MBD1: variants seen among roughly 807,000 people sequenced by gnomAD.
MBD1 encodes methyl-CpG-binding domain protein 1.
A neutral mutation model predicts 82.6 loss-of-function variants in MBD1; 25 were observed. That is an observed-to-expected ratio of 0.30 (90% CI 0.22 to 0.42). The LOEUF (loss-of-function observed/expected upper bound fraction) is 0.42, where lower values mean the gene tolerates loss of function less well. Among genes scored for constraint, MBD1 ranks in the 10% least tolerant of loss-of-function variants. MBD1 has a pLI of 1.00. For missense variants in MBD1, 627 were observed against 819.6 expected (o/e 0.76, Z 2.87); for synonymous variants, 301 against 303.7 (o/e 0.99, Z 0.09).
chr18:50,273,924 C>T, intron 11 of MBD1, 61 bp from the exon 12 acceptor site: 1 of 1,584,524 alleles, frequency 6.3e-7, no homozygotes. Context: ...ATCCACCCTG[C>T]CCGGCTCCAC....
downstream of MBD1, chr18:50,267,413 G>T: frequency 1.8e-6 from 1 of 548,236 alleles, no homozygotes; most frequent in East Asian, 2.9e-5. Context: ...CCAGGGCTTA[G>T]ACTCAGGATA....
In MBD1 at chr18:50,275,049, T is replaced by C. The variant is rs757125558; in HGVS notation, c.910-4A>G. ...AGGGGGCCAGGGCTCTGGGGTGCTG[T>C]AGAGGCAAATGGGGTGGGGTCAGGG... On this transcript the variant is annotated splice_region_variant and splice_polypyrimidine_tract_variant and intron_variant, in intron 9 of 16. Coordinates refer to ENST00000269468, the MANE Select transcript of MBD1 (RefSeq NM_015846.4). 2.9e-5 allele frequency: 47 copies of C among 1,613,894 alleles called. No homozygotes were observed. Among genetic ancestry groups the C allele is most frequent in the Non-Finnish European group, 3.9e-5 (46 of 1,179,944 alleles).
At chr18:50,276,143 A>G (rs2037787814) in intron 6 of MBD1, 162 bp from the exon 7 acceptor site, 1 of 938,320 alleles carries the variant, frequency 1.1e-6, no homozygotes, top group Non-Finnish European at 1.7e-6. Flanking sequence ...CACTGAGGCC[A>G]TTAGTATGTC....
downstream of MBD1, among the ~76,000 whole-genome samples, chr18:50,268,358 C>G (rs1278265659): frequency 6.6e-6 from 1 of 152,268 alleles, no homozygotes; most frequent in Non-Finnish European, 1.5e-5. Context: ...CGGCCGCACT[C>G]GAACGTCCTA....
downstream of MBD1, chr18:50,267,317 A>C: frequency 2.3e-6 from 1 of 429,786 alleles, no homozygotes; most frequent in Non-Finnish European, 4.2e-6. Flanking sequence ...AGGGAGCCTA[A>C]GTGCCTTGTC....
intron 2 of MBD1, 36 bp from the exon 3 acceptor site, chr18:50,277,240 G>A: frequency 6.6e-7 from 1 of 1,504,718 alleles, no homozygotes; most frequent in South Asian, 1.1e-5. Flanking sequence ...CACCCAGGTG[G>A]AGCCAATGCC....
chr18:50,269,321 A>G lies in MBD1; in HGVS notation c.*530T>C. On this transcript the variant is annotated 3_prime_UTR_variant, in exon 17 of 17. Transcript: ENST00000269468. ...AGACCCTTGGGAGCGGATTCATGGT[A>G]GGGTGGCTTTGTAATGTGTCACCTT... is the stretch of plus-strand genomic sequence containing the variant. The G allele has an allele frequency of 7.8e-7, 1 of 1,274,980 alleles. No homozygotes were observed. The highest frequency in any genetic ancestry group is 1.0e-6 in the Non-Finnish European group (1 of 999,372). The allele number at this position is 1,274,980 out of a possible 1,614,324, so 79.0% of individuals were successfully genotyped here.
chr18:50,273,932 C>T, intron 11 of MBD1, 69 bp from the exon 12 acceptor site: 2 of 1,568,348 alleles, frequency 1.3e-6, no homozygotes, highest in Admixed American at 1.7e-5. Flanking sequence ...TGCCCGGCTC[C>T]ACATGCCTGC....
chr18:50,274,420 C>T (rs2036893524), intron 10 of MBD1, 67 bp from the exon 11 acceptor site: 3 of 1,536,352 alleles, frequency 2.0e-6, no homozygotes, highest in South Asian at 2.3e-5. Context: ...ACGCCTATTC[C>T]AGTGCTGGTC....
In MBD1 at chr18:50,276,815, C is replaced by T. The variant is rs2038114006; in HGVS notation, c.392+17G>A. On this transcript the variant is annotated intron_variant, in intron 4 of 16. Coordinates refer to ENST00000269468, the MANE Select transcript of MBD1 (RefSeq NM_015846.4). ...CACAACCCTCACCCATCTGGCTCACCTTAGACCAACACTCACCCAGGAGCA... is the reference window on the plus strand; with the variant it reads ...CACAACCCTCACCCATCTGGCTCACTTTAGACCAACACTCACCCAGGAGCA... 6.2e-7 allele frequency: 1 copy of T among 1,614,092 alleles called. No homozygotes were observed. Among genetic ancestry groups the T allele is most frequent in the Non-Finnish European group, 8.5e-7 (1 of 1,180,046 alleles).
chr18:50,279,936 T>C lies in MBD1; in HGVS notation c.57A>G (p.Glu19=). 1.2e-6 allele frequency: 2 copies of C among 1,613,492 alleles called. No individual in the cohort carries two copies. Among genetic ancestry groups the C allele is most frequent in the South Asian group, 1.1e-5 (1 of 91,088 alleles). Residue 19 remains glutamate (E), a synonymous_variant, in exon 2 of 17, where the codon GAA becomes GAG. Transcript: ENST00000269468. ...PALGPGWKRR[E]VFRKSGATCG... ...AGGTGGCCCCTGACTTGCGAAAGAC[T>C]TCGCGGCGCTTCCAGCCAGGGCCCA...
intron 16 of MBD1, chr18:50,271,192 A>G (rs1194547230): frequency 8.5e-6 from 11 of 1,289,816 alleles, no homozygotes; most frequent in African/African-American, 7.5e-5. Context: ...GGCTTTAATT[A>G]TATTACCTTT....
rs145511993 is a variant in MBD1 at position 50,272,400 on chromosome 18, G to C, written c.1778+277C>G. On this transcript the variant is annotated intron_variant, in intron 15 of 16. Transcript: ENST00000269468. ...AAATTCCTTAGGAAAATAGGGACCA[G>C]ACTCCCTATCTTTTTCTTTCAAATC... 1.6e-3 allele frequency: 816 copies of C among 496,878 alleles called. 5 individuals carry two copies. Among genetic ancestry groups the C allele is most frequent in the African/African-American group, 0.014 (743 of 51,618 alleles). 30.8% of individuals were successfully genotyped at this position (496,878 alleles called of 1,614,324 possible). A position where few individuals can be genotyped will look rare whatever the true frequency, so the allele number is the denominator to read the frequency against.
At position 50,276,904 on chromosome 18, in the gene MBD1, A is replaced by C; in HGVS notation, c.320T>G (p.Val107Gly). The change falls in exon 4 of 17, where the codon GTC becomes GGC. Residue 107 changes from valine to glycine, a missense_variant. Around this residue, in one of 6 missense-constraint regions of MBD1, gnomAD observed 75 missense variants for 74.7 expected, o/e 1.00. Coordinates refer to ENST00000269468, the MANE Select transcript of MBD1 (RefSeq NM_015846.4). Reference sequence around the variant, plus strand: ...CTCATCCCTCGGGGCCTCCTTCCTGACCTCACCACTCTGGGGTCCAACCTG... The same window carrying C: ...CTCATCCCTCGGGGCCTCCTTCCTGCCCTCACCACTCTGGGGTCCAACCTG... ...KRQVGPQSGEVRKEAPRDETK... is the reference protein window; with the variant it reads ...KRQVGPQSGEGRKEAPRDETK... The C allele has an allele frequency of 6.2e-7, 1 of 1,614,064 alleles. No individual in the cohort carries two copies. The highest frequency in any genetic ancestry group is 1.3e-5 in the African/African-American group (1 of 74,984).
chr18:50,275,442 G>A (rs753932344), intron 8 of MBD1, 158 bp downstream of exon 8: 12 of 1,601,288 alleles, frequency 7.5e-6, no homozygotes, highest in Non-Finnish European at 9.4e-6. Flanking sequence ...GGTGAGCAAG[G>A]TGCTGGCAGA....
intron 11 of MBD1, 148 bp from the exon 12 acceptor site, chr18:50,274,011 T>C: frequency 7.6e-7 from 1 of 1,307,392 alleles, no homozygotes; most frequent in Non-Finnish European, 1.1e-6. Flanking sequence ...CCTGCTAGTC[T>C]CCTATTAGCA....
At chr18:50,273,008 A>C in intron 13 of MBD1, 53 bp from the exon 14 acceptor site, 7 of 1,611,030 alleles carry the variant, frequency 4.3e-6, no homozygotes, top group Non-Finnish European at 5.1e-6. Context: ...TCACCTGAGG[A>C]AAGTCTCTAT....
At position 50,276,004 on chromosome 18, in the gene MBD1, G is replaced by T. The variant is rs780189597; in HGVS notation, c.517-23C>A. On this transcript the variant is annotated intron_variant, in intron 6 of 16. Transcript: ENST00000269468. ...ACGCTGCCAGGAATGGTAGGGACGA[G>T]ATCACGGGCCTGCTCCAGAAGCACT... 4 of 1,606,546 alleles carry T rather than the reference G, an allele frequency of 2.5e-6. No homozygotes were observed. The African/African-American group carries it at 5.3e-5, about 21-fold the overall frequency.
Position 50,278,141 on chromosome 18 carries a change from G to A in MBD1, c.111-937C>T, listed in dbSNP as rs548843930. The stretch of plus-strand genomic sequence containing the variant: ...GTGTCTAGAACATGGATATGGATAC[G>A]GATATGGACAAAGAGATGATTCACC... On this transcript the variant is annotated intron_variant, in intron 2 of 16. Coordinates refer to ENST00000269468, the MANE Select transcript of MBD1 (RefSeq NM_015846.4). 1.1e-4 allele frequency among the ~76,000 whole-genome samples: 17 copies of A among 152,298 alleles called. 1 individual carries two copies. The highest frequency in any genetic ancestry group is 3.8e-4 in the African/African-American group (16 of 41,564).
Sources: gnomAD v4.1 joint callset for allele counts (sites outside exome capture counted in the v4.1 genomes callset) on GRCh38, gnomAD v4.1.1 for gene constraint, gnomAD v4.1.1 regional missense constraint, MANE v1.5 for transcripts, NCBI Gene and HGNC (gene_info 2026-07-23, HGNC 2026-07-21) for gene names.